Variants in CSRNP3 observed in about 807,000 individuals in gnomAD.
CSRNP3 encodes cysteine and serine rich nuclear protein 3, also known as cysteine/serine-rich nuclear protein 3.
Under a neutral mutation model 48.0 loss-of-function variants are expected in CSRNP3, and 12 were observed. That is an observed-to-expected ratio of 0.25 (90% CI 0.16 to 0.41). CSRNP3 has a LOEUF of 0.41. Ranked by LOEUF, CSRNP3 falls within the 10% of genes least tolerant of loss-of-function variation. The pLI, the probability that CSRNP3 is intolerant of heterozygous loss-of-function variation, is 1.00. For missense variants in CSRNP3, 580 were observed against 724.4 expected, an observed-to-expected ratio of 0.80 and a Z score of 2.29; for synonymous variants, 263 against 269.7, an observed-to-expected ratio of 0.98 and a Z score of 0.24.
chr2:165,631,682 T>G (rs992203601), intron 4 of CSRNP3, among the ~76,000 whole-genome samples: 3 of 152,224 alleles, frequency 2.0e-5, no homozygotes, highest in African/African-American at 7.2e-5. Flanking sequence ...GTCACTATGC[T>G]TAAATTATAT....
intron 4 of CSRNP3, among the ~76,000 whole-genome samples, chr2:165,642,103 A>AAC (rs58624766): frequency 0.043 from 5,677 of 132,102 alleles, 138 homozygotes; most frequent in African/African-American, 0.071. Flanking sequence ...CACACACACA[A>AAC]ACACACACAC....
chr2:165,593,836 T>A (rs532627244), intron 3 of CSRNP3, among the ~76,000 whole-genome samples: 1 of 152,148 alleles, frequency 6.6e-6, no homozygotes, highest in Non-Finnish European at 1.5e-5. Context: ...AGATTGGACA[T>A]CCCTAATCTG....
chr2:165,507,101 G>T (rs1270518255), intron 2 of CSRNP3, among the ~76,000 whole-genome samples: 1 of 151,950 alleles, frequency 6.6e-6, no homozygotes, highest in Non-Finnish European at 1.5e-5. Flanking sequence ...ATAGCCAATT[G>T]CTTATTAAAT....
chr2:165,623,664 CT>C lies in CSRNP3; in HGVS notation c.148+28455del, dbSNP rs1470792886. ...ATACTAAGGGAACACTGTAATCATG[CT>C]TTTGTGCTATATTTACATACTGACT... is the stretch of plus-strand genomic sequence containing the variant. On this transcript the variant is annotated intron_variant, in intron 4 of 6. Transcript: ENST00000651982. Among the ~76,000 whole-genome samples the C allele has an allele frequency of 2.6e-5, 4 of 152,270 alleles. No individual in the cohort carries two copies. The East Asian group carries it at 5.8e-4, about 22-fold the overall frequency.
At position 165,685,155 on chromosome 2, in the gene CSRNP3, C is replaced by T. The variant is rs1002726217; in HGVS notation, c.*5402C>T. On this transcript the variant is annotated 3_prime_UTR_variant, in exon 7 of 7. Transcript: ENST00000651982. ...GATTGTCAAAAGTAAAAAGTGCAGA[C>T]ATTTAAAAAAGCTCTTCTTTCACAT... 6.6e-6 allele frequency: 1 copy of T among 152,038 alleles called. No individual in the cohort carries two copies. The highest frequency in any genetic ancestry group is 2.4e-5 in the African/African-American group (1 of 41,410). 9.4% of individuals were successfully genotyped at this position (152,038 alleles called of 1,614,324 possible).
At chr2:165,520,435 G>A (rs1165880634) in intron 3 of CSRNP3, among the ~76,000 whole-genome samples, 1 of 152,072 alleles carries the variant, frequency 6.6e-6, no homozygotes, top group Non-Finnish European at 1.5e-5. Flanking sequence ...AGCCGATTTT[G>A]TATGCTGAAA....
intron 6 of CSRNP3, 92 bp downstream of exon 6, chr2:165,676,700 C>G: frequency 8.4e-7 from 1 of 1,186,778 alleles, no homozygotes. Context: ...AAGCTTCCCA[C>G]ATGTAAAAGA....
chr2:165,524,590 AC>A (rs1428891283), intron 3 of CSRNP3, among the ~76,000 whole-genome samples: 3 of 152,096 alleles, frequency 2.0e-5, no homozygotes, highest in African/African-American at 4.8e-5. Context: ...CTGTTCCCTG[AC>A]CTTCCCCCTG....
rs139434485 is a variant in CSRNP3, at chr2:165,565,712, C to T, written c.-23-29331C>T. ...ATTAATAGCAAGCCATGGAATTAAGCTCATTAAAACATTTGCCTAAAGGAG... is the reference window on the plus strand; with the variant it reads ...ATTAATAGCAAGCCATGGAATTAAGTTCATTAAAACATTTGCCTAAAGGAG... On this transcript the variant is annotated intron_variant, in intron 3 of 6. Coordinates refer to ENST00000651982, the MANE Select transcript of CSRNP3 (RefSeq NM_001172173.2). Among the ~76,000 whole-genome samples the T allele has an allele frequency of 1.1e-3, 172 of 152,080 alleles. 1 individual carries two copies. The East Asian group carries it at 0.023, about 21-fold the overall frequency.
intron 2 of CSRNP3, among the ~76,000 whole-genome samples, chr2:165,499,164 A>G (rs1038737800): frequency 2.6e-5 from 4 of 152,204 alleles, no homozygotes; most frequent in Admixed American, 2.6e-4. Flanking sequence ...TTAAAATTCT[A>G]CTAACCATCT....
chr2:165,564,454 A>G (rs1186550640), intron 3 of CSRNP3, among the ~76,000 whole-genome samples: 1 of 152,078 alleles, frequency 6.6e-6, no homozygotes, highest in East Asian at 1.9e-4. Context: ...GAAAATTAGA[A>G]TGACCTATTT....
At chr2:165,562,984 C>A (rs1412923795) in intron 3 of CSRNP3, among the ~76,000 whole-genome samples, 1 of 152,108 alleles carries the variant, frequency 6.6e-6, no homozygotes, top group African/African-American at 2.4e-5. Context: ...GGAGAGAAGA[C>A]AGTGTGAGAA....
At chr2:165,677,272 T>G (rs1347458166) in intron 6 of CSRNP3, among the ~76,000 whole-genome samples, 1 of 152,222 alleles carries the variant, frequency 6.6e-6, no homozygotes, top group South Asian at 2.1e-4. Context: ...TGCCTATGAC[T>G]GCTTTCTTGC....
chr2:165,632,855 C>G (rs999552025), intron 4 of CSRNP3, among the ~76,000 whole-genome samples: 1 of 152,176 alleles, frequency 6.6e-6, no homozygotes, highest in Non-Finnish European at 1.5e-5. Flanking sequence ...ATTTTCGTTT[C>G]CTATCTGCAA....
At chr2:165,494,997 A>G (rs1454589396) in intron 2 of CSRNP3, 69 bp downstream of exon 2, 1 of 152,610 alleles carries the variant, frequency 6.6e-6, no homozygotes, top group African/African-American at 2.4e-5. Context: ...TGGGGGCTTT[A>G]GCTTAATTCA....
At chr2:165,565,002 C>T (rs1685279712) in intron 3 of CSRNP3, among the ~76,000 whole-genome samples, 1 of 151,946 alleles carries the variant, frequency 6.6e-6, no homozygotes, top group African/African-American at 2.4e-5. Flanking sequence ...AACTTTAAAG[C>T]ACCTCACTGT....
rs1056921357 is a variant in CSRNP3, at chr2:165,687,270, A to G, written c.*7517A>G. ...GGATTCAGAGACAATGGTCTGTAAC[A>G]TGACCAACTTTTGACAAATATGGCT... is the stretch of plus-strand genomic sequence containing the variant. On this transcript the variant is annotated 3_prime_UTR_variant, in exon 7 of 7. Coordinates refer to ENST00000651982, the MANE Select transcript of CSRNP3 (RefSeq NM_001172173.2). 6.6e-6 allele frequency: 1 copy of G among 152,136 alleles called. No homozygotes were observed. The highest frequency in any genetic ancestry group is 1.5e-5 in the Non-Finnish European group (1 of 68,016). The allele number at this position is 152,136 out of a possible 1,614,324, so 9.4% of individuals were successfully genotyped here.
At chr2:165,660,525 G>A (rs535547405) in intron 5 of CSRNP3, among the ~76,000 whole-genome samples, 2 of 152,290 alleles carry the variant, frequency 1.3e-5, no homozygotes, top group African/African-American at 2.4e-5. Context: ...GGACTGACAC[G>A]CTGTCTGAGA....
intron 4 of CSRNP3, among the ~76,000 whole-genome samples, chr2:165,650,808 G>A (rs1686891234): frequency 6.6e-6 from 1 of 152,134 alleles, no homozygotes; most frequent in Non-Finnish European, 1.5e-5. Context: ...CAAAACCATA[G>A]ACTTGCAAAT....
Sources: allele counts gnomAD v4.1 joint callset (sites outside exome capture counted in the v4.1 genomes callset), GRCh38; gene constraint gnomAD v4.1.1; transcripts MANE v1.5; gene names NCBI Gene and HGNC (gene_info 2026-07-23, HGNC 2026-07-21).